EPB41L4A: variants seen among roughly 807,000 people sequenced by gnomAD.
EPB41L4A encodes band 4.1-like protein 4A.
Under a neutral mutation model 108.6 loss-of-function variants are expected in EPB41L4A, and 100 were observed. The ratio of observed to expected loss-of-function variants is 0.92; its 90% CI spans 0.78 to 1.09. The LOEUF (loss-of-function observed/expected upper bound fraction) is 1.09. Among genes scored for constraint, EPB41L4A ranks in the 50% least tolerant of loss-of-function variants. The probability of loss-of-function intolerance (pLI) is 0.00; values close to 1 mark genes in which losing one functional copy is unlikely to be tolerated. For missense variants in EPB41L4A, 1,030 were observed against 842.7 expected (o/e 1.22, Z -2.75); for synonymous variants, 319 against 289.0 (o/e 1.10, Z -1.05).
At chr5:112,367,879 C>A (rs984066226) in intron 1 of EPB41L4A, among the ~76,000 whole-genome samples, 1 of 152,098 alleles carries the variant, frequency 6.6e-6, no homozygotes, top group Admixed American at 6.5e-5. Flanking sequence ...GCCTGCTCCA[C>A]GAAATAAAGA....
intron 12 of EPB41L4A, among the ~76,000 whole-genome samples, chr5:112,231,838 T>C (rs1339250834): frequency 2.1e-5 from 3 of 145,700 alleles, no homozygotes; most frequent in African/African-American, 7.5e-5. Context: ...CCAGGCACAG[T>C]GGCTCACACC....
chr5:112,377,131 G>C (rs1417714112), intron 1 of EPB41L4A, among the ~76,000 whole-genome samples: 3 of 151,794 alleles, frequency 2.0e-5, no homozygotes, highest in Non-Finnish European at 4.4e-5. Context: ...CTCAAGCCGT[G>C]GGGGTCAAGG....
intron 1 of EPB41L4A, among the ~76,000 whole-genome samples, chr5:112,361,711 AATAATAAT>A (rs747945208): frequency 8.2e-6 from 1 of 121,444 alleles, no homozygotes; most frequent in African/African-American, 3.0e-5. Flanking sequence ...GCTAAAAAAA[AATAATAAT>A]AATAATAATA....
chr5:112,201,033 G>A (rs1287507421), intron 15 of EPB41L4A, among the ~76,000 whole-genome samples: 2 of 152,206 alleles, frequency 1.3e-5, no homozygotes, highest in African/African-American at 4.8e-5. Flanking sequence ...TTAAATGCCA[G>A]TGTTAATCCA....
In EPB41L4A at chr5:112,262,600, C is replaced by A. The variant is rs747380526; in HGVS notation, c.555-19G>T. 6.2e-7 allele frequency: 1 copy of A among 1,606,306 alleles called. No homozygotes were observed. Among genetic ancestry groups the A allele is most frequent in the Non-Finnish European group, 8.5e-7 (1 of 1,174,378 alleles). ...CTGACCCCTACACCCAGCACAAAAACAAAGAGCCTTATTTTACAGCAGCTA... is the reference window on the plus strand; with the variant it reads ...CTGACCCCTACACCCAGCACAAAAAAAAAGAGCCTTATTTTACAGCAGCTA... On this transcript the variant is annotated intron_variant, in intron 6 of 22. Coordinates refer to ENST00000261486, the MANE Select transcript of EPB41L4A (RefSeq NM_022140.5).
intron 1 of EPB41L4A, among the ~76,000 whole-genome samples, chr5:112,386,931 G>A (rs1760578545): frequency 6.6e-6 from 1 of 152,142 alleles, no homozygotes; most frequent in Non-Finnish European, 1.5e-5. Flanking sequence ...CACTCCCACC[G>A]ACCTCACCAC....
exon 14 of EPB41L4A, chr5:112,143,775 A>G (rs59486872): frequency 0.025 from 10,183 of 413,480 alleles, 806 homozygotes; most frequent in African/African-American, 0.18. Context: ...AGCTTGAGTC[A>G]CGTGTTAATA....
At chr5:112,251,952 T>C (rs890980465) in intron 9 of EPB41L4A, among the ~76,000 whole-genome samples, 9 of 152,164 alleles carry the variant, frequency 5.9e-5, no homozygotes, top group African/African-American at 2.2e-4. Flanking sequence ...AAGTGGTGCA[T>C]GTGGATGAAA....
At chr5:112,311,392 A>T (rs1580661322) in intron 1 of EPB41L4A, among the ~76,000 whole-genome samples, 2 of 152,282 alleles carry the variant, frequency 1.3e-5, no homozygotes, top group East Asian at 1.9e-4. Flanking sequence ...AGGATTCCTA[A>T]AATAAATTCT....
Position 112,168,740 on chromosome 5 carries a change from T to G in EPB41L4A, c.1931A>C (p.Gln644Pro), listed in dbSNP as rs775841254. ...AQGSGDATVH[Q>P]RRNGSKDSLM... is the part of the protein sequence containing the mutation. ...TCTTCAAACCTTACTATTACTAACC[T>G]GATGAACTGTAGCATCCCCAGAACC... Residue 644 changes from glutamine (Q) to proline (P), a missense_variant and splice_region_variant, in exon 22 of 23, where the codon CAG (glutamine) becomes CCG (proline). By Grantham distance (76) the Gln-to-Pro change is moderately conservative. Coordinates refer to ENST00000261486, the MANE Select transcript of EPB41L4A (RefSeq NM_022140.5). 7 of 1,611,410 alleles carry G rather than the reference T, an allele frequency of 4.3e-6. No individual in the cohort carries two copies. The Admixed American group carries it at 1.2e-4, about 27-fold the overall frequency.
Position 112,165,017 on chromosome 5 carries a change from T to C in EPB41L4A, c.2034A>G (p.Gln678=), listed in dbSNP as rs1353364790. Residue 678 remains glutamine (Q), a synonymous_variant, in exon 23 of 23, where the codon CAA becomes CAG. Transcript: ENST00000261486. ...AAGTCTCTGTCTTGAGGCGGGAAGC[T>C]TGTATAGTTTTTATTGTTTTTGCTG... The part of the protein sequence containing the change: ...KHTAKTIKTI[Q]ASRLKTET 6.2e-7 allele frequency: 1 copy of C among 1,613,954 alleles called. No individual in the cohort carries two copies. Among genetic ancestry groups the C allele is most frequent in the Non-Finnish European group, 8.5e-7 (1 of 1,179,974 alleles).
At chr5:112,228,171 T>C (rs1282124026) in intron 12 of EPB41L4A, 1 of 152,238 alleles carries the variant, frequency 6.6e-6, no homozygotes, top group Non-Finnish European at 1.5e-5. Context: ...AAGCCAAATC[T>C]GTTGATCAGA....
chr5:112,173,962 T>C (rs982783750), intron 18 of EPB41L4A, among the ~76,000 whole-genome samples: 2 of 152,134 alleles, frequency 1.3e-5, no homozygotes, highest in African/African-American at 4.8e-5. Flanking sequence ...TATCTTAATC[T>C]GAACGAGATC....
chr5:112,279,033 C>A (rs931826801), intron 3 of EPB41L4A, among the ~76,000 whole-genome samples: 3 of 145,278 alleles, frequency 2.1e-5, no homozygotes, highest in Non-Finnish European at 4.5e-5. Context: ...CCACTGCACT[C>A]CAGCCTGGGT....
chr5:112,215,707 G>A (rs555293199), intron 12 of EPB41L4A, among the ~76,000 whole-genome samples: 1 of 142,594 alleles, frequency 7.0e-6, no homozygotes. Flanking sequence ...AGCTTGCAGT[G>A]AGCAGAGATC....
At chr5:112,271,731 C>G (rs563102373) in intron 4 of EPB41L4A, among the ~76,000 whole-genome samples, 1 of 152,356 alleles carries the variant, frequency 6.6e-6, no homozygotes, top group South Asian at 2.1e-4. Flanking sequence ...CACGAATTAT[C>G]TACAGTACTA....
chr5:112,327,453 C>T (rs973331312), intron 1 of EPB41L4A, among the ~76,000 whole-genome samples: 3 of 152,186 alleles, frequency 2.0e-5, no homozygotes, highest in African/African-American at 7.2e-5. Context: ...CAGTGGCTCA[C>T]ACCTGTAATC....
chr5:112,240,658 A>T lies in EPB41L4A; in HGVS notation c.887+61T>A. 3.2e-6 allele frequency: 3 copies of T among 938,314 alleles called. No homozygotes were observed. In the South Asian group the frequency reaches 5.0e-5, roughly 16 times the overall value. The allele number at this position is 938,314 out of a possible 1,614,324, so 58.1% of individuals were successfully genotyped here. A position where few individuals can be genotyped will look rare whatever the true frequency, so the allele number is the denominator to read the frequency against. Reference sequence around the variant, plus strand: ...TTCTGTTTTAGACAGAATTCTTTTTATAAAAATAAATGCCATTTTCATTTA... The same window carrying T: ...TTCTGTTTTAGACAGAATTCTTTTTTTAAAAATAAATGCCATTTTCATTTA... On this transcript the variant is annotated intron_variant, in intron 10 of 22. Transcript: ENST00000261486.
chr5:112,309,224 A>C (rs865845876), intron 1 of EPB41L4A, among the ~76,000 whole-genome samples: 3 of 152,176 alleles, frequency 2.0e-5, no homozygotes, highest in Non-Finnish European at 2.9e-5. Flanking sequence ...TCATCTATTA[A>C]ATGAATCCCC....
Sources: allele counts gnomAD v4.1 joint callset (sites outside exome capture counted in the v4.1 genomes callset), GRCh38; gene constraint gnomAD v4.1.1; transcripts MANE v1.5; gene names NCBI Gene and HGNC (gene_info 2026-07-23, HGNC 2026-07-21).